Variants in AAAS observed in about 807,000 individuals in gnomAD.
AAAS encodes the protein aladin WD repeat nucleoporin, also known as aladin.
AAAS carries 60 observed loss-of-function variants against 75.6 expected under a neutral mutation model. The ratio of observed to expected loss-of-function variants is 0.79; its 90% CI spans 0.64 to 0.98. The LOEUF (loss-of-function observed/expected upper bound fraction) is 0.98, where lower values mean the gene tolerates loss of function less well. Ranked by LOEUF, AAAS falls within the 50% of genes least tolerant of loss-of-function variation. The pLI, the probability that AAAS is intolerant of heterozygous loss-of-function variation, is 0.00. For missense variants in AAAS, 658 were observed against 686.9 expected (o/e 0.96, Z 0.47); for synonymous variants, 271 against 265.0 (o/e 1.02, Z -0.22).
chr12:53,315,427 C>T lies in AAAS; in HGVS notation c.308-1G>A. 6.2e-7 allele frequency: 1 copy of T among 1,612,104 alleles called. No homozygotes were observed. The highest frequency in any genetic ancestry group is 8.5e-7 in the Non-Finnish European group (1 of 1,179,298). On this transcript the variant is annotated splice_acceptor_variant, in intron 3 of 15. Coordinates refer to ENST00000209873, the MANE Select transcript of AAAS (RefSeq NM_015665.6). LOFTEE classifies it high-confidence loss of function. ...GATGCCGTCTTCACCCACTCAAACACTGTAGGGTTGAGGAAGCAGCTCTGA... is the reference window on the plus strand; with the variant it reads ...GATGCCGTCTTCACCCACTCAAACATTGTAGGGTTGAGGAAGCAGCTCTGA...
rs112974405 is a variant in AAAS at position 53,317,047 on chromosome 12, G to A, written c.252-1265C>T. On this transcript the variant is annotated intron_variant, in intron 2 of 15. Transcript: ENST00000209873. ...GCAGTGAGCCGTGTTCCATGTTTGC[G>A]CCACTGCACTCCACACTGGGCAACA... Among the ~76,000 whole-genome samples the A allele has an allele frequency of 8.4e-3, 1,283 of 151,944 alleles. 24 individuals are homozygous for A. The highest frequency in any genetic ancestry group is 0.029 in the African/African-American group (1,208 of 41,464).
intron 1 of AAAS, 25 bp from the exon 2 acceptor site, chr12:53,320,717 G>A (rs780317770): frequency 6.2e-7 from 1 of 1,613,258 alleles, no homozygotes; most frequent in Non-Finnish European, 8.5e-7. Context: ...TGAGGAGTGT[G>A]ACGGTGATTC....
In AAAS at chr12:53,307,582, G is replaced by A. The variant is rs778410965; in HGVS notation, c.1548C>T (p.Pro516=). 1.2e-6 allele frequency: 2 copies of A among 1,614,158 alleles called. No individual in the cohort carries two copies. Among genetic ancestry groups the A allele is most frequent in the African/African-American group, 2.7e-5 (2 of 75,048 alleles). ...AGGTTGGGGATGTCTCAGTAAAGAG[G>A]GGCAGGTCATGAATAGAGCCTCCAC... ...AGGGGSIHDL[P]LFTETSPTSA... Residue 516 remains proline (P), a synonymous_variant, in exon 16 of 16, where the codon CCC becomes CCT. Transcript: ENST00000209873.
intron 8 of AAAS, 68 bp downstream of exon 8, chr12:53,309,533 T>C: frequency 6.2e-7 from 1 of 1,610,994 alleles, no homozygotes; most frequent in Non-Finnish European, 8.5e-7. Context: ...CCCAAGATGT[T>C]TCCACAACCG....
intron 13 of AAAS, 43 bp from the exon 14 acceptor site, chr12:53,308,176 CAG>C: frequency 1.2e-6 from 2 of 1,612,384 alleles, no homozygotes; most frequent in Non-Finnish European, 1.7e-6. Flanking sequence ...ACTCTGAAGG[CAG>C]AGTCCCAGGA....
rs1164422092 is a variant in AAAS at position 53,308,121 on chromosome 12, AC to A, written c.1261del (p.Val421TyrfsTer130). On this transcript the variant is annotated frameshift_variant, in exon 14 of 16. Transcript: ENST00000209873. LOFTEE classifies it high-confidence loss of function. ...LAVLMKGKPR[V>X]QDGKPVILLF... ...GAGGATGACTGGTTTACCATCCTGT[AC>A]CCTTGGCTTTCCTGTAAGAAATGGA... 1 of 1,614,052 alleles carries A rather than the reference AC, an allele frequency of 6.2e-7. No individual in the cohort carries two copies. Among genetic ancestry groups the A allele is most frequent in the Admixed American group, 1.7e-5 (1 of 60,006 alleles).
At chr12:53,315,220 C>T (rs1944443896) in intron 4 of AAAS, 80 bp from the exon 5 acceptor site, 1 of 1,595,848 alleles carries the variant, frequency 6.3e-7, no homozygotes, top group Non-Finnish European at 8.6e-7. Context: ...GGAGCTGGAC[C>T]ACTCCTACCC....
At chr12:53,308,606 T>G (rs780886015) in intron 11 of AAAS, 78 bp from the exon 12 acceptor site, 1 of 1,599,630 alleles carries the variant, frequency 6.3e-7, no homozygotes, top group Non-Finnish European at 8.6e-7. Flanking sequence ...ACCAAAGGCA[T>G]CAACACCTCG....
chr12:53,312,438 G>T (rs1428817449), intron 7 of AAAS, among the ~76,000 whole-genome samples: 1 of 151,216 alleles, frequency 6.6e-6, no homozygotes, highest in African/African-American at 2.4e-5. Context: ...GCTAGTGCGT[G>T]CCTGTAGTCC....
In AAAS at chr12:53,315,783, C is replaced by T. The variant is rs1351971341; in HGVS notation, c.252-1G>A. On this transcript the variant is annotated splice_acceptor_variant, in intron 2 of 15. Transcript: ENST00000209873. LOFTEE classifies it high-confidence loss of function. ...CACCCCAAAAAGGCCCACATCACGC[C>T]TGATAAGGGAGGAAAATGTGGGTCA... The T allele has an allele frequency of 6.2e-7, 1 of 1,613,756 alleles. No individual in the cohort carries two copies. Among genetic ancestry groups the T allele is most frequent in the Non-Finnish European group, 8.5e-7 (1 of 1,179,866 alleles).
intron 2 of AAAS, among the ~76,000 whole-genome samples, chr12:53,317,465 G>A (rs1420286896): frequency 6.6e-6 from 1 of 151,944 alleles, no homozygotes; most frequent in Non-Finnish European, 1.5e-5. Context: ...GCTGAGGCAC[G>A]AGAATGGAGT....
At chr12:53,308,895 G>A in intron 10 of AAAS, 65 bp downstream of exon 10, 2 of 1,613,268 alleles carry the variant, frequency 1.2e-6, no homozygotes, top group Middle Eastern at 3.3e-4. Flanking sequence ...GCCAGGTTTG[G>A]GAGCATCAGG....
intron 10 of AAAS, 55 bp from the exon 11 acceptor site, chr12:53,308,870 G>C: frequency 2.5e-6 from 4 of 1,613,218 alleles, no homozygotes; most frequent in Non-Finnish European, 3.4e-6. Flanking sequence ...GAATGCAGGA[G>C]GGAAAGTAGA....
intron 7 of AAAS, among the ~76,000 whole-genome samples, chr12:53,312,848 G>GTA (rs1275061276): frequency 5.7e-4 from 64 of 112,566 alleles, no homozygotes; most frequent in African/African-American, 2.0e-3. Flanking sequence ...GTGTGTGTGT[G>GTA]TATATATATA....
intron 7 of AAAS, among the ~76,000 whole-genome samples, chr12:53,311,508 G>A (rs994915110): frequency 8.5e-5 from 13 of 152,184 alleles, no homozygotes; most frequent in Non-Finnish European, 1.9e-4. Context: ...CAGCTACTTG[G>A]CAAGGGGCTC....
At chr12:53,314,711 T>C in intron 6 of AAAS, 40 bp downstream of exon 6, 1 of 1,586,472 alleles carries the variant, frequency 6.3e-7, no homozygotes, top group Non-Finnish European at 8.6e-7. Flanking sequence ...GGGAAGGTGA[T>C]ATTGACAAGT....
chr12:53,309,383 G>A (rs771966342), intron 8 of AAAS, 102 bp from the exon 9 acceptor site: 17 of 1,565,424 alleles, frequency 1.1e-5, no homozygotes, highest in Non-Finnish European at 9.6e-6. Context: ...GAGAGGAAGC[G>A]GGAGAGGGAC....
chr12:53,314,996 G>T, intron 5 of AAAS, 98 bp downstream of exon 5: 1 of 1,502,140 alleles, frequency 6.7e-7, no homozygotes, highest in Non-Finnish European at 9.3e-7. Context: ...AATATGGTGA[G>T]CAATCAGAAA....
chr12:53,308,256 C>A lies in AAAS; in HGVS notation c.1249+26G>T, dbSNP rs369967930. The stretch of plus-strand genomic sequence containing the variant: ...GATTAACTGGGAAGATGGCTGTGGG[C>A]TGAGCCCTTCATCCTTGCCTCTCAC... On this transcript the variant is annotated intron_variant, in intron 13 of 15. Transcript: ENST00000209873. 1.9e-6 allele frequency: 3 copies of A among 1,613,948 alleles called. No homozygotes were observed. In the African/African-American group the frequency reaches 4.0e-5, roughly 22 times the overall value.
Sources: gnomAD v4.1 joint callset for allele counts (sites outside exome capture counted in the v4.1 genomes callset) on GRCh38, gnomAD v4.1.1 for gene constraint, MANE v1.5 for transcripts, NCBI Gene and HGNC (gene_info 2026-07-23, HGNC 2026-07-21) for gene names.